RBFOX1: variants seen among roughly 807,000 people sequenced by gnomAD.
The protein encoded by RBFOX1 is RNA binding fox-1 homolog 1.
RBFOX1 carries 8 observed loss-of-function variants against 57.7 expected under a neutral mutation model. The ratio of observed to expected loss-of-function variants is 0.14; its 90% CI spans 0.08 to 0.25. RBFOX1 has a LOEUF of 0.25. Among genes scored for constraint, RBFOX1 ranks in the 10% least tolerant of loss-of-function variants. The pLI, the probability that RBFOX1 is intolerant of heterozygous loss-of-function variation, is 1.00. For missense variants in RBFOX1, 611 were observed against 548.5 expected, an observed-to-expected ratio of 1.11 and a Z score of -1.14; for synonymous variants, 326 against 222.4, an observed-to-expected ratio of 1.47 and a Z score of -4.15.
At chr16:5,341,954 T>A (rs964269135) in intron 1 of RBFOX1, among the ~76,000 whole-genome samples, 4 of 152,052 alleles carry the variant, frequency 2.6e-5, no homozygotes, top group Non-Finnish European at 5.9e-5. Flanking sequence ...CTGAAAGAGG[T>A]GAGATTTGGA....
At chr16:6,281,400 A>T (rs1005014036) in intron 1 of RBFOX1, among the ~76,000 whole-genome samples, 1 of 151,918 alleles carries the variant, frequency 6.6e-6, no homozygotes, top group Non-Finnish European at 1.5e-5. Context: ...TTCCACACCA[A>T]CTCCGGAGCC....
chr16:7,107,752 C>G (rs2063867258), intron 4 of RBFOX1, among the ~76,000 whole-genome samples: 1 of 152,176 alleles, frequency 6.6e-6, no homozygotes, highest in South Asian at 2.1e-4. Flanking sequence ...CTTTTTATAG[C>G]TTTTAAGCCC....
chr16:6,025,028 C>T (rs897530827), intron 1 of RBFOX1, among the ~76,000 whole-genome samples: 1 of 152,186 alleles, frequency 6.6e-6, no homozygotes, highest in African/African-American at 2.4e-5. Context: ...CCTATAGGCC[C>T]TTGTGGCCTG....
chr16:7,573,523 C>G (rs1389552052), intron 5 of RBFOX1, among the ~76,000 whole-genome samples: 1 of 152,134 alleles, frequency 6.6e-6, no homozygotes, highest in Non-Finnish European at 1.5e-5. Context: ...TCAGGTAGGT[C>G]TCACTTTAGA....
chr16:5,538,527 T>A (rs1275523009), intron 2 of RBFOX1, among the ~76,000 whole-genome samples: 1 of 152,168 alleles, frequency 6.6e-6, no homozygotes, highest in African/African-American at 2.4e-5. Context: ...CAGGCAGTTG[T>A]GTTTTTCGCA....
At chr16:7,606,138 T>TTC (rs1555659846) in intron 9 of RBFOX1, among the ~76,000 whole-genome samples, 3 of 144,782 alleles carry the variant, frequency 2.1e-5, no homozygotes, top group Admixed American at 6.9e-5. Context: ...TTTTTTTTTT[T>TTC]CCCGAGAGAG....
At chr16:6,994,884 A>C (rs545835511) in intron 3 of RBFOX1, among the ~76,000 whole-genome samples, 1 of 152,124 alleles carries the variant, frequency 6.6e-6, no homozygotes, top group Non-Finnish European at 1.5e-5. Context: ...AAAATTCCAA[A>C]TTAACTTGGA....
intron 12 of RBFOX1, among the ~76,000 whole-genome samples, chr16:7,663,504 CGTGTGT>C (rs57358282): frequency 1.3e-3 from 201 of 148,952 alleles, no homozygotes; most frequent in Middle Eastern, 3.5e-3. Context: ...GTCAGTACAG[CGTGTGT>C]GTGTGTGTGT....
intron 1 of RBFOX1, among the ~76,000 whole-genome samples, chr16:5,450,706 C>A (rs149474274): frequency 1.4e-4 from 21 of 152,260 alleles, no homozygotes; most frequent in African/African-American, 5.1e-4. Flanking sequence ...CCGCTCCGTG[C>A]TGGAATTCGG....
intron 1 of RBFOX1, among the ~76,000 whole-genome samples, chr16:6,284,450 C>G (rs547897094): frequency 6.6e-6 from 1 of 152,242 alleles, no homozygotes; most frequent in Non-Finnish European, 1.5e-5. Context: ...TCATTCACAA[C>G]CAGTGTTGAG....
At chr16:7,016,608 G>A (rs553886500) in intron 3 of RBFOX1, among the ~76,000 whole-genome samples, 93 of 152,278 alleles carry the variant, frequency 6.1e-4, no homozygotes, top group South Asian at 1.2e-3. Flanking sequence ...GGGTAGACAC[G>A]CCTCACTTGG....
chr16:5,642,191 C>A (rs1312778651), intron 3 of RBFOX1, among the ~76,000 whole-genome samples: 1 of 152,166 alleles, frequency 6.6e-6, no homozygotes, highest in East Asian at 1.9e-4. Context: ...CAGTTTTGAT[C>A]CCTTCACTGC....
chr16:7,648,831 T>C (rs2064312442), intron 11 of RBFOX1, among the ~76,000 whole-genome samples: 1 of 152,290 alleles, frequency 6.6e-6, no homozygotes, highest in South Asian at 2.1e-4. Flanking sequence ...TTAAATGAAT[T>C]GAGGGCTCTG....
intron 3 of RBFOX1, among the ~76,000 whole-genome samples, chr16:5,762,894 T>G (rs2053638497): frequency 6.6e-6 from 1 of 152,184 alleles, no homozygotes; most frequent in African/African-American, 2.4e-5. Flanking sequence ...GTAAATAAAA[T>G]TGGGAAGAAA....
chr16:5,302,468 C>T (rs1488145654), intron 1 of RBFOX1, among the ~76,000 whole-genome samples: 1 of 152,122 alleles, frequency 6.6e-6, no homozygotes, highest in Non-Finnish European at 1.5e-5. Context: ...TTGATTGTGT[C>T]ATTCAAATTT....
intron 2 of RBFOX1, among the ~76,000 whole-genome samples, chr16:6,545,570 C>A (rs916397926): frequency 1.3e-5 from 2 of 152,168 alleles, no homozygotes; most frequent in African/African-American, 4.8e-5. Context: ...TCTGCAGAAA[C>A]GCAATTCCCA....
intron 4 of RBFOX1, among the ~76,000 whole-genome samples, chr16:7,271,838 A>C (rs556911391): frequency 1.3e-5 from 2 of 152,002 alleles, no homozygotes; most frequent in East Asian, 1.9e-4. Context: ...AAAAAATCTC[A>C]AAGCTATGGC....
intron 11 of RBFOX1, among the ~76,000 whole-genome samples, chr16:7,633,209 A>G (rs1365960290): frequency 6.6e-6 from 1 of 152,210 alleles, no homozygotes; most frequent in East Asian, 1.9e-4. Flanking sequence ...GGCTCTTTAC[A>G]GAAGAAGTGT....
At chr16:7,546,962 A>G (rs757912100) in intron 5 of RBFOX1, among the ~76,000 whole-genome samples, 1 of 152,222 alleles carries the variant, frequency 6.6e-6, no homozygotes, top group Non-Finnish European at 1.5e-5. Context: ...GGCTTTTGAT[A>G]GTCAGATAAA....
Sources: allele counts gnomAD v4.1 joint callset (sites outside exome capture counted in the v4.1 genomes callset), GRCh38; gene constraint gnomAD v4.1.1; transcripts MANE v1.5; gene names NCBI Gene and HGNC (gene_info 2026-07-23, HGNC 2026-07-21).